PARD3: variants seen among roughly 807,000 people sequenced by gnomAD.
PARD3 encodes the protein partitioning defective 3 homolog.
In PARD3, 75 loss-of-function variants were observed where a neutral mutation model predicts 155.4. The ratio of observed to expected loss-of-function variants is 0.48; its 90% CI spans 0.40 to 0.58. PARD3 has a LOEUF of 0.58. Among genes scored for constraint, PARD3 ranks in the 20% least tolerant of loss-of-function variants. The pLI is 0.00. For missense variants in PARD3, 1,642 were observed against 1,721.7 expected, an observed-to-expected ratio of 0.95 and a Z score of 0.82; for synonymous variants, 576 against 610.5, an observed-to-expected ratio of 0.94 and a Z score of 0.83.
At chr10:34,450,511 C>A in intron 4 of PARD3, 63 bp from the exon 5 acceptor site, 39 of 1,465,330 alleles carry the variant, frequency 2.7e-5, no homozygotes, top group Non-Finnish European at 3.5e-5. Flanking sequence ...CAGTAATGCA[C>A]CTGGTTTTTC....
At chr10:34,706,940 T>C (rs1266958360) in intron 1 of PARD3, among the ~76,000 whole-genome samples, 1 of 151,984 alleles carries the variant, frequency 6.6e-6, no homozygotes, top group Admixed American at 6.6e-5. Context: ...AGATCCTGTC[T>C]CCACAAAAAA....
At chr10:34,347,584 T>C (rs956246800) in intron 15 of PARD3, among the ~76,000 whole-genome samples, 1 of 152,242 alleles carries the variant, frequency 6.6e-6, no homozygotes, top group South Asian at 2.1e-4. Context: ...CCACTGTGAA[T>C]GATATGTAAC....
intron 22 of PARD3, among the ~76,000 whole-genome samples, chr10:34,244,122 T>C (rs1953786147): frequency 6.6e-6 from 1 of 152,196 alleles, no homozygotes; most frequent in Non-Finnish European, 1.5e-5. Context: ...TTGATAAATG[T>C]GGTAATAAGC....
At chr10:34,408,742 A>T (rs1043639076) in intron 5 of PARD3, among the ~76,000 whole-genome samples, 2 of 152,172 alleles carry the variant, frequency 1.3e-5, no homozygotes, top group Non-Finnish European at 2.9e-5. Context: ...GGAAATGTGT[A>T]ATACAATTTT....
intron 2 of PARD3, among the ~76,000 whole-genome samples, chr10:34,639,515 T>A (rs1359783162): frequency 2.0e-5 from 3 of 152,216 alleles, no homozygotes; most frequent in Non-Finnish European, 4.4e-5. Flanking sequence ...AAATCTCAGC[T>A]TTACCACTCA....
intron 10 of PARD3, 52 bp downstream of exon 10, chr10:34,377,915 G>A: frequency 2.1e-6 from 3 of 1,405,174 alleles, no homozygotes; most frequent in Non-Finnish European, 2.8e-6. Flanking sequence ...TTGGCTCCTG[G>A]AAATGGAACA....
rs1417960149 is a variant in PARD3 at position 34,341,701 on chromosome 10, G to A, written c.2334C>T (p.Ser778=). The A allele has an allele frequency of 1.9e-6, 3 of 1,613,952 alleles. No homozygotes were observed. In the Admixed American group the frequency reaches 5.0e-5, roughly 27 times the overall value. Residue 778 remains serine (S), a synonymous_variant, in exon 16 of 25, where the codon TCC becomes TCT. Coordinates refer to ENST00000374788, the MANE Select transcript of PARD3 (RefSeq NM_001184785.2). The stretch of plus-strand genomic sequence containing the variant: ...CCGTCACAAACCCCACATCATCATG[G>A]GAGCTGGAAGAGGACTGGTCAGAGA... ...PHLSDQSSSS[S]HDDVGFVTAD...
rs182345338 is a variant in PARD3, at chr10:34,634,012, G to C, written c.222+62306C>G. Among the ~76,000 whole-genome samples, 131 of 152,302 alleles carry C rather than the reference G, an allele frequency of 8.6e-4. 1 individual carries two copies. Among genetic ancestry groups the C allele is most frequent in the African/African-American group, 3.1e-3 (129 of 41,564 alleles). ...ACATTGACCTGTCTAGTTCCAGCCTGAGTCCTCTGACCTGTCCCTTTCTTA... is the reference window on the plus strand; with the variant it reads ...ACATTGACCTGTCTAGTTCCAGCCTCAGTCCTCTGACCTGTCCCTTTCTTA... On this transcript the variant is annotated intron_variant, in intron 2 of 24. Transcript: ENST00000374788.
rs979919607 is a variant in PARD3 at position 34,233,435 on chromosome 10, G to A, written c.3419+36222C>T. 3.3e-5 allele frequency among the ~76,000 whole-genome samples: 5 copies of A among 151,830 alleles called. No homozygotes were observed. In the South Asian group the frequency reaches 6.3e-4, roughly 19 times the overall value. On this transcript the variant is annotated intron_variant, in intron 22 of 24. Transcript: ENST00000374788. ...TTCCATTCTCTCCCTCGATGATATC[G>A]TCCATTTCCATGGTTTTAAATACCA...
At chr10:34,503,092 C>A (rs943520565) in intron 3 of PARD3, among the ~76,000 whole-genome samples, 2 of 152,170 alleles carry the variant, frequency 1.3e-5, no homozygotes, top group African/African-American at 4.8e-5. Context: ...TTAGTAGATA[C>A]TCATGTACTA....
At chr10:34,449,292 T>A (rs963684289) in intron 5 of PARD3, among the ~76,000 whole-genome samples, 4 of 151,890 alleles carry the variant, frequency 2.6e-5, no homozygotes, top group African/African-American at 4.8e-5. Context: ...ACCCTTTAAA[T>A]ATATACTATT....
At chr10:34,223,421 T>A (rs1040073280) in intron 22 of PARD3, among the ~76,000 whole-genome samples, 3 of 152,172 alleles carry the variant, frequency 2.0e-5, no homozygotes, top group Non-Finnish European at 4.4e-5. Flanking sequence ...GAAAACAGGT[T>A]ATATATTAGA....
intron 2 of PARD3, among the ~76,000 whole-genome samples, chr10:34,599,409 G>A (rs2089578112): frequency 6.6e-6 from 1 of 152,122 alleles, no homozygotes; most frequent in South Asian, 2.1e-4. Flanking sequence ...TATATGAACA[G>A]TTCAATTCCA....
intron 2 of PARD3, among the ~76,000 whole-genome samples, chr10:34,551,065 T>C (rs894223499): frequency 6.6e-6 from 1 of 152,062 alleles, no homozygotes; most frequent in African/African-American, 2.4e-5. Context: ...AAATGCAAAA[T>C]GTATGCAAAA....
intron 15 of PARD3, chr10:34,345,624 T>A (rs1306342539): frequency 2.0e-6 from 2 of 985,256 alleles, no homozygotes; most frequent in African/African-American, 3.5e-5. Flanking sequence ...CGAATGGAAA[T>A]CCAAAGTCCT....
chr10:34,546,921 TG>T lies in PARD3; in HGVS notation c.223-29763del, dbSNP rs1404750328. Among the ~76,000 whole-genome samples the T allele has an allele frequency of 7.2e-5, 11 of 152,210 alleles. No individual in the cohort carries two copies. The East Asian group carries it at 1.9e-3, about 27-fold the overall frequency. On this transcript the variant is annotated intron_variant, in intron 2 of 24. Transcript: ENST00000374788. Reference sequence around the variant, plus strand: ...ACAGTTATTACTGTCAGAACACAAATGAAATAATCTGAAAAGACAAGGAATT... The same window carrying T: ...ACAGTTATTACTGTCAGAACACAAATAAATAATCTGAAAAGACAAGGAATT...
intron 2 of PARD3, among the ~76,000 whole-genome samples, chr10:34,640,903 T>C (rs892238271): frequency 2.6e-5 from 4 of 151,804 alleles, no homozygotes; most frequent in Non-Finnish European, 5.9e-5. Context: ...AGGGAGGGAA[T>C]GTGATATATT....
chr10:34,149,216 T>G (rs970444278), intron 22 of PARD3, among the ~76,000 whole-genome samples: 6 of 152,158 alleles, frequency 3.9e-5, no homozygotes, highest in Non-Finnish European at 7.4e-5. Context: ...ACATGAATCT[T>G]AAACTGATTT....
At chr10:34,441,257 A>G (rs1449370848) in intron 5 of PARD3, among the ~76,000 whole-genome samples, 1 of 152,200 alleles carries the variant, frequency 6.6e-6, no homozygotes, top group Non-Finnish European at 1.5e-5. Context: ...ACCTAATGTT[A>G]CCTAAAAAGA....
Sources: gnomAD v4.1 joint callset for allele counts (sites outside exome capture counted in the v4.1 genomes callset) on GRCh38, gnomAD v4.1.1 for gene constraint, MANE v1.5 for transcripts, NCBI Gene and HGNC (gene_info 2026-07-23, HGNC 2026-07-21) for gene names.